The following PXDNL variants were observed in gnomAD, a reference collection of about 807,000 sequenced individuals.
The protein encoded by PXDNL is probable oxidoreductase PXDNL.
Under a neutral mutation model 150.8 loss-of-function variants are expected in PXDNL, and 145 were observed. That is an observed-to-expected ratio of 0.96 (90% confidence interval 0.84 to 1.10). The LOEUF (loss-of-function observed/expected upper bound fraction) is 1.10, where lower values mean the gene tolerates loss of function less well. PXDNL is among the 50% of genes least tolerant of loss of function. The pLI is 0.00. For synonymous variants in PXDNL, 757 were observed against 725.7 expected, an observed-to-expected ratio of 1.04 and a Z score of -0.69; for missense variants, 2,087 against 1,873.9, an observed-to-expected ratio of 1.11 and a Z score of -2.10.
intron 4 of PXDNL, among the ~76,000 whole-genome samples, chr8:51,533,969 C>T (rs1347777873): frequency 6.7e-6 from 1 of 150,354 alleles, no homozygotes; most frequent in African/African-American, 2.5e-5. Flanking sequence ...CGAGGAGCCT[C>T]TCTGCCTGGC....
chr8:51,566,913 A>G (rs1044887757), intron 3 of PXDNL, among the ~76,000 whole-genome samples: 3 of 151,482 alleles, frequency 2.0e-5, no homozygotes, highest in African/African-American at 4.8e-5. Context: ...CTTTTCTAAT[A>G]TATGCATTCA....
chr8:51,712,245 T>C (rs1816517972), intron 1 of PXDNL, among the ~76,000 whole-genome samples: 1 of 152,058 alleles, frequency 6.6e-6, no homozygotes, highest in African/African-American at 2.4e-5. Context: ...ATAAAACAAA[T>C]GTAAGTTTCA....
At chr8:51,744,122 G>GAAA (rs2036945464) in intron 1 of PXDNL, among the ~76,000 whole-genome samples, 1 of 121,776 alleles carries the variant, frequency 8.2e-6, no homozygotes, top group Non-Finnish European at 1.7e-5. Flanking sequence ...AAGAAAGAAA[G>GAAA]GAAGAAAGAG....
intron 1 of PXDNL, among the ~76,000 whole-genome samples, chr8:51,706,031 C>T (rs553753686): frequency 6.6e-5 from 10 of 152,254 alleles, no homozygotes; most frequent in South Asian, 6.2e-4. Flanking sequence ...TAAGACTTGG[C>T]GGGGTGCAGT....
chr8:51,350,351 C>CTGCTT (rs1554528094), intron 19 of PXDNL, among the ~76,000 whole-genome samples: 1 of 72,832 alleles, frequency 1.4e-5, no homozygotes. Flanking sequence ...GCAAATGCAG[C>CTGCTT]TTCTTTTTTT....
At chr8:51,625,855 C>T (rs1436613007) in intron 2 of PXDNL, among the ~76,000 whole-genome samples, 1 of 152,148 alleles carries the variant, frequency 6.6e-6, no homozygotes, top group African/African-American at 2.4e-5. Flanking sequence ...CATTTTCTCT[C>T]TTTCCTCTTC....
intron 1 of PXDNL, among the ~76,000 whole-genome samples, chr8:51,778,081 G>A (rs199595891): frequency 1.3e-5 from 2 of 151,734 alleles, no homozygotes; most frequent in Non-Finnish European, 2.9e-5. Context: ...TCACGCCTGT[G>A]ATCCCAGCAC....
intron 3 of PXDNL, among the ~76,000 whole-genome samples, chr8:51,586,346 A>C (rs58565207): frequency 1.3e-5 from 2 of 152,170 alleles, no homozygotes; most frequent in Non-Finnish European, 2.9e-5. Context: ...AGACCAGAAG[A>C]TCTGAGCCAG....
chr8:51,561,805 T>C lies in PXDNL; in HGVS notation c.309-4894A>G, dbSNP rs916418763. 3.3e-5 allele frequency among the ~76,000 whole-genome samples: 5 copies of C among 152,062 alleles called. No homozygotes were observed. The South Asian group carries it at 1.0e-3, about 32-fold the overall frequency. ...GTTCTGGAGATTGATTACACCACAA[T>C]GTGAATATATTGAATAATACCAAAT... On this transcript the variant is annotated intron_variant, in intron 3 of 22. Coordinates refer to ENST00000356297, the MANE Select transcript of PXDNL (RefSeq NM_144651.5).
rs185907128 is a variant in PXDNL at position 51,698,965 on chromosome 8, C to T, written c.165-44205G>A. Among the ~76,000 whole-genome samples the T allele has an allele frequency of 7.9e-5, 12 of 152,258 alleles. No individual in the cohort carries two copies. In the East Asian group the frequency reaches 2.1e-3, roughly 27 times the overall value. ...CTGGGCAGTAGGTCTCAGCAGTGGGCTTTAAATACTCACTAAACCTTGCGG... is the reference window on the plus strand; with the variant it reads ...CTGGGCAGTAGGTCTCAGCAGTGGGTTTTAAATACTCACTAAACCTTGCGG... On this transcript the variant is annotated intron_variant, in intron 1 of 22. Transcript: ENST00000356297.
intron 1 of PXDNL, among the ~76,000 whole-genome samples, chr8:51,795,667 A>T (rs1173222417): frequency 3.3e-5 from 5 of 152,220 alleles, no homozygotes; most frequent in African/African-American, 1.2e-4. Context: ...GCAAATTTAT[A>T]GCACTAAATG....
Position 51,761,099 on chromosome 8 carries a change from T to G in PXDNL, c.164+48082A>C, listed in dbSNP as rs1223220792. ...CATGTTAGCCAGGATGGTCTCGAACTGCTGACCTCGTGATCCGCCCGCCTC... is the reference window on the plus strand; with the variant it reads ...CATGTTAGCCAGGATGGTCTCGAACGGCTGACCTCGTGATCCGCCCGCCTC... On this transcript the variant is annotated intron_variant, in intron 1 of 22. Coordinates refer to ENST00000356297, the MANE Select transcript of PXDNL (RefSeq NM_144651.5). Among the ~76,000 whole-genome samples the G allele has an allele frequency of 8.7e-5, 13 of 148,706 alleles. No individual in the cohort carries two copies. The Admixed American group carries it at 8.8e-4, about 10-fold the overall frequency.
At chr8:51,521,771 A>T (rs1323599640) in intron 4 of PXDNL, among the ~76,000 whole-genome samples, 1 of 152,164 alleles carries the variant, frequency 6.6e-6, no homozygotes, top group East Asian at 1.9e-4. Flanking sequence ...AAGAAAAAAG[A>T]AAAAAAGATA....
chr8:51,698,976 C>T (rs780943013), intron 1 of PXDNL, among the ~76,000 whole-genome samples: 2 of 152,154 alleles, frequency 1.3e-5, no homozygotes, highest in Admixed American at 6.5e-5. Context: ...TTTAAATACT[C>T]ACTAAACCTT....
At chr8:51,483,445 A>C (rs1014170321) in intron 6 of PXDNL, among the ~76,000 whole-genome samples, 198 bp downstream of exon 6, 2 of 152,226 alleles carry the variant, frequency 1.3e-5, no homozygotes, top group African/African-American at 2.4e-5. Context: ...TGTCACTTCT[A>C]AGAGAATACA....
chr8:51,723,066 T>C (rs939053160), intron 1 of PXDNL, among the ~76,000 whole-genome samples: 1 of 151,778 alleles, frequency 6.6e-6, no homozygotes, highest in Admixed American at 6.6e-5. Flanking sequence ...CTATAGCATA[T>C]ACCTGCCCCA....
chr8:51,647,759 T>C (rs1318852646), intron 2 of PXDNL, among the ~76,000 whole-genome samples: 1 of 152,186 alleles, frequency 6.6e-6, no homozygotes, highest in East Asian at 1.9e-4. Flanking sequence ...AGGATCATGA[T>C]AGTGCTTCAT....
At position 51,728,596 on chromosome 8, in the gene PXDNL, T is replaced by A. The variant is rs562758450; in HGVS notation, c.165-73836A>T. ...CAAAAAGTATTAAATGAAAAAAAAA[T>A]TTAAAAATTTAAGAATAAAAAATGT... On this transcript the variant is annotated intron_variant, in intron 1 of 22. Transcript: ENST00000356297. 1.7e-3 allele frequency among the ~76,000 whole-genome samples: 261 copies of A among 151,946 alleles called. 2 individuals carry two copies. The highest frequency in any genetic ancestry group is 5.9e-3 in the African/African-American group (246 of 41,466).
At chr8:51,359,016 A>C (rs1806622401) in intron 19 of PXDNL, among the ~76,000 whole-genome samples, 1 of 152,298 alleles carries the variant, frequency 6.6e-6, no homozygotes. Flanking sequence ...CTTCTCAGAA[A>C]GCCAAGAATG....
Sources: gnomAD v4.1 joint callset for allele counts (sites outside exome capture counted in the v4.1 genomes callset) on GRCh38, gnomAD v4.1.1 for gene constraint, MANE v1.5 for transcripts, NCBI Gene and HGNC (gene_info 2026-07-23, HGNC 2026-07-21) for gene names.